Variants in RALGAPA2 observed in about 807,000 individuals in gnomAD.
RALGAPA2 encodes Ral GTPase activating protein catalytic subunit alpha 2.
RALGAPA2 carries 139 observed loss-of-function variants against 230.4 expected under a neutral mutation model. That is an observed-to-expected ratio of 0.60 (90% CI 0.53 to 0.69). The LOEUF (loss-of-function observed/expected upper bound fraction) is 0.69. Ranked by LOEUF, RALGAPA2 falls within the 30% of genes least tolerant of loss-of-function variation. The pLI, the probability that RALGAPA2 is intolerant of heterozygous loss-of-function variation, is 0.00. For synonymous variants in RALGAPA2, 847 were observed against 837.8 expected, an observed-to-expected ratio of 1.01 and a Z score of -0.19; for missense variants, 2,163 against 2,276.0, an observed-to-expected ratio of 0.95 and a Z score of 1.01.
chr20:20,524,130 G>A (rs1297118495), intron 30 of RALGAPA2, among the ~76,000 whole-genome samples: 3 of 152,026 alleles, frequency 2.0e-5, no homozygotes, highest in Admixed American at 2.0e-4. Flanking sequence ...CTAATTTTTT[G>A]TACTTTTAGT....
At chr20:20,539,338 C>T (rs2063579222) in intron 24 of RALGAPA2, among the ~76,000 whole-genome samples, 1 of 152,124 alleles carries the variant, frequency 6.6e-6, no homozygotes, top group South Asian at 2.1e-4. Context: ...ACAATTTTAA[C>T]CTCAAGTTTA....
chr20:20,682,350 C>T (rs2068549665), intron 1 of RALGAPA2, among the ~76,000 whole-genome samples: 1 of 152,174 alleles, frequency 6.6e-6, no homozygotes, highest in African/African-American at 2.4e-5. Context: ...ACAAGGAATC[C>T]TTGAGTGCCT....
At chr20:20,465,833 C>T (rs1438703785) in intron 37 of RALGAPA2, among the ~76,000 whole-genome samples, 2 of 152,172 alleles carry the variant, frequency 1.3e-5, no homozygotes, top group Non-Finnish European at 2.9e-5. Context: ...CAGCATTCTA[C>T]CAGCCTTTAT....
intron 39 of RALGAPA2, among the ~76,000 whole-genome samples, chr20:20,394,889 CA>C (rs10673778): frequency 0.021 from 916 of 44,628 alleles, 12 homozygotes; most frequent in African/African-American, 0.077. Flanking sequence ...AATAAATAAG[CA>C]AAAAAAAAAA....
chr20:20,595,733 C>T (rs2065432824), intron 16 of RALGAPA2, among the ~76,000 whole-genome samples: 1 of 152,110 alleles, frequency 6.6e-6, no homozygotes, highest in Non-Finnish European at 1.5e-5. Context: ...GTGGGTAGAT[C>T]ACAAGCTCAG....
chr20:20,468,725 C>T (rs2061474048), intron 37 of RALGAPA2, among the ~76,000 whole-genome samples: 1 of 152,078 alleles, frequency 6.6e-6, no homozygotes, highest in African/African-American at 2.4e-5. Context: ...CCAGAGAGTT[C>T]TGTCTGCGAT....
chr20:20,505,302 A>G, intron 34 of RALGAPA2, 109 bp downstream of exon 34: 1 of 1,289,330 alleles, frequency 7.8e-7, no homozygotes, highest in Non-Finnish European at 1.0e-6. Flanking sequence ...AACTCTATCT[A>G]TGCTATATTT....
In RALGAPA2 at chr20:20,695,834, C is replaced by T. The variant is rs193287326; in HGVS notation, c.107-15033G>A. Among the ~76,000 whole-genome samples the T allele has an allele frequency of 5.0e-3, 757 of 152,282 alleles. 5 individuals are homozygous for T. Among genetic ancestry groups the T allele is most frequent in the African/African-American group, 0.017 (721 of 41,542 alleles). ...GACCAACATAAAGCACAACTGGGGT[C>T]CTAATTTGGGTGGATATCTGATGTG... On this transcript the variant is annotated intron_variant, in intron 1 of 39. Coordinates refer to ENST00000202677, the MANE Select transcript of RALGAPA2 (RefSeq NM_020343.4).
At chr20:20,395,283 C>T (rs555568281) in intron 39 of RALGAPA2, among the ~76,000 whole-genome samples, 6 of 152,386 alleles carry the variant, frequency 3.9e-5, no homozygotes, top group Middle Eastern at 3.4e-3. Flanking sequence ...CTGCACTGGG[C>T]CCTCGTGCCA....
chr20:20,556,363 G>A (rs1349508312), intron 23 of RALGAPA2, among the ~76,000 whole-genome samples: 37 of 152,212 alleles, frequency 2.4e-4, no homozygotes, highest in Non-Finnish European at 5.4e-4. Context: ...TGAGGAGACT[G>A]ACAGGGAGAT....
intron 36 of RALGAPA2, among the ~76,000 whole-genome samples, chr20:20,482,201 T>C (rs2061793835): frequency 6.6e-6 from 1 of 152,178 alleles, no homozygotes; most frequent in East Asian, 1.9e-4. Context: ...TCATGTACCA[T>C]CTGTTTATTT....
intron 16 of RALGAPA2, among the ~76,000 whole-genome samples, chr20:20,601,243 G>A (rs1340846491): frequency 1.3e-5 from 2 of 152,194 alleles, no homozygotes; most frequent in East Asian, 3.8e-4. Context: ...GGCATGAAAA[G>A]GCTCAATTTT....
intron 5 of RALGAPA2, among the ~76,000 whole-genome samples, chr20:20,642,506 T>C (rs1255046342): frequency 6.6e-6 from 1 of 152,204 alleles, no homozygotes; most frequent in Non-Finnish European, 1.5e-5. Flanking sequence ...CCACTGTGCC[T>C]GGCCAGCTCT....
chr20:20,600,194 G>T (rs2065594282), intron 16 of RALGAPA2, among the ~76,000 whole-genome samples: 1 of 152,098 alleles, frequency 6.6e-6, no homozygotes, highest in South Asian at 2.1e-4. Flanking sequence ...TACTCAGGAG[G>T]CTGAGGCAGG....
chr20:20,507,302 C>A (rs1042180070), intron 33 of RALGAPA2, among the ~76,000 whole-genome samples: 2 of 152,158 alleles, frequency 1.3e-5, no homozygotes, highest in Non-Finnish European at 2.9e-5. Flanking sequence ...TTCACGTTAT[C>A]TTTAATACAT....
chr20:20,580,645 G>C (rs1281667772), intron 20 of RALGAPA2, among the ~76,000 whole-genome samples: 1 of 152,154 alleles, frequency 6.6e-6, no homozygotes, highest in African/African-American at 2.4e-5. Flanking sequence ...GGATCCGTGA[G>C]TATAAACTTC....
intron 3 of RALGAPA2, among the ~76,000 whole-genome samples, chr20:20,663,208 G>C (rs2067840609): frequency 6.6e-6 from 1 of 152,158 alleles, no homozygotes; most frequent in African/African-American, 2.4e-5. Flanking sequence ...CAAAGTCTTA[G>C]GTAGTAGGCA....
intron 14 of RALGAPA2, among the ~76,000 whole-genome samples, chr20:20,610,149 A>C (rs1026027662): frequency 7.2e-5 from 11 of 152,208 alleles, no homozygotes; most frequent in Non-Finnish European, 1.2e-4. Flanking sequence ...CCTTCAGGTC[A>C]ACTGAGGAGG....
intron 38 of RALGAPA2, 115 bp from the exon 39 acceptor site, chr20:20,396,849 C>T: frequency 1.1e-6 from 1 of 869,616 alleles, no homozygotes; most frequent in South Asian, 1.6e-5. Context: ...CCAAGCATTT[C>T]TGCAGCCTTG....
Sources: gnomAD v4.1 joint callset for allele counts (sites outside exome capture counted in the v4.1 genomes callset) on GRCh38, gnomAD v4.1.1 for gene constraint, MANE v1.5 for transcripts, NCBI Gene and HGNC (gene_info 2026-07-23, HGNC 2026-07-21) for gene names.